The following CAPZB variants were observed in gnomAD, a reference collection of about 807,000 sequenced individuals.
The protein encoded by CAPZB is F-actin-capping protein subunit beta.
CAPZB carries 2 observed loss-of-function variants against 38.1 expected under a neutral mutation model. The ratio of observed to expected loss-of-function variants is 0.05; its 90% CI spans 0.02 to 0.17. CAPZB has a LOEUF of 0.17. Among genes scored for constraint, CAPZB ranks in the 10% least tolerant of loss-of-function variants. The pLI, the probability that CAPZB is intolerant of heterozygous loss-of-function variation, is 1.00. For synonymous variants in CAPZB, 107 were observed against 127.4 expected (o/e 0.84, Z 1.08); for missense variants, 161 against 334.2 (o/e 0.48, Z 4.04).
chr1:19,432,042 C>CAAAAAAAAA (rs10583269), intron 1 of CAPZB, among the ~76,000 whole-genome samples: 1 of 122,546 alleles, frequency 8.2e-6, no homozygotes, highest in African/African-American at 3.2e-5. Flanking sequence ...GATCCTGTCT[C>CAAAAAAAAA]AAAAAAAAAA....
In CAPZB at chr1:19,357,464, C is replaced by T. The variant is rs2094028124; in HGVS notation, c.429G>A (p.Lys143=). ...LIKKAGDGSK[K]IKGCWDSIHV... ...GGATGGAATCCCAGCAGCCTTTGAT[C>T]TTCTTTGATCCATCTCCAGCCTTCT... Residue 143 remains lysine (K), a synonymous_variant, in exon 5 of 9, where the codon AAG becomes AAA. Transcript: ENST00000264202. This position sits in a 1 kb window ranked among gnomAD's most constrained non-coding sequence, Gnocchi z 4.3. 1 of 1,614,060 alleles carries T rather than the reference C, an allele frequency of 6.2e-7. No homozygotes were observed. Among genetic ancestry groups the T allele is most frequent in the Non-Finnish European group, 8.5e-7 (1 of 1,180,022 alleles).
At chr1:19,394,190 G>A (rs1265134414) in intron 2 of CAPZB, among the ~76,000 whole-genome samples, 1 of 152,126 alleles carries the variant, frequency 6.6e-6, no homozygotes, top group African/African-American at 2.4e-5. Context: ...TATAGAGATG[G>A]GGTTTCACCA....
chr1:19,363,087 T>C (rs1205485541), intron 4 of CAPZB, among the ~76,000 whole-genome samples: 1 of 151,542 alleles, frequency 6.6e-6, no homozygotes, highest in Non-Finnish European at 1.5e-5. Flanking sequence ...ATTAACATCT[T>C]GTTTTGTTTT....
At chr1:19,351,445 C>G (rs1336563908) in intron 6 of CAPZB, among the ~76,000 whole-genome samples, 2 of 152,118 alleles carry the variant, frequency 1.3e-5, no homozygotes, top group African/African-American at 4.8e-5. Flanking sequence ...GAAGCTAGGA[C>G]CACAGATGCC....
chr1:19,398,780 G>A (rs946271394), intron 2 of CAPZB, among the ~76,000 whole-genome samples: 2 of 152,016 alleles, frequency 1.3e-5, no homozygotes, highest in Non-Finnish European at 2.9e-5. Context: ...GTTAGGGCAG[G>A]TCGCAAAGCA....
intron 1 of CAPZB, among the ~76,000 whole-genome samples, chr1:19,431,787 C>T (rs2094442618): frequency 6.6e-6 from 1 of 151,350 alleles, no homozygotes; most frequent in African/African-American, 2.4e-5. Context: ...CAAGAAAATA[C>T]TACTTCGGGC....
intron 1 of CAPZB, among the ~76,000 whole-genome samples, chr1:19,428,992 T>C (rs111932760): frequency 0.013 from 1,981 of 152,324 alleles, 10 homozygotes; most frequent in Non-Finnish European, 0.021. Flanking sequence ...GTATCAACTT[T>C]TTAAAAAAAT....
At chr1:19,376,895 T>A (rs535653282) in intron 4 of CAPZB, among the ~76,000 whole-genome samples, 9 of 152,328 alleles carry the variant, frequency 5.9e-5, no homozygotes, top group African/African-American at 1.9e-4. Flanking sequence ...ACTTACTAGC[T>A]CTGTGAACCT....
chr1:19,432,671 T>C (rs1266215334), intron 1 of CAPZB, among the ~76,000 whole-genome samples: 1 of 152,210 alleles, frequency 6.6e-6, no homozygotes, highest in South Asian at 2.1e-4. Context: ...GGCTCTTGGG[T>C]ACCCCAGTTT....
chr1:19,427,822 G>A (rs2094428576), intron 1 of CAPZB, among the ~76,000 whole-genome samples: 1 of 152,202 alleles, frequency 6.6e-6, no homozygotes. Flanking sequence ...TCCACTTGGC[G>A]GACCAAGCCT....
At chr1:19,440,589 T>A (rs923143793) in intron 1 of CAPZB, among the ~76,000 whole-genome samples, 4 of 151,994 alleles carry the variant, frequency 2.6e-5, no homozygotes, top group African/African-American at 9.7e-5. Context: ...GTGTTTGGTT[T>A]GTGCTCCTAT....
At position 19,355,835 on chromosome 1, in the gene CAPZB, T is replaced by A. The variant is rs56146691; in HGVS notation, c.588+800A>T. ...ACTGCACTGGCACAGGTTTAAGGCC[T>A]TCTCTTGGGATGGGAATGTAAAGGG... On this transcript the variant is annotated intron_variant, in intron 6 of 8. Coordinates refer to ENST00000264202, the MANE Select transcript of CAPZB (RefSeq NM_004930.5). Among the ~76,000 whole-genome samples the A allele has an allele frequency of 2.8e-3, 419 of 152,334 alleles. 1 individual carries two copies. Among genetic ancestry groups the A allele is most frequent in the African/African-American group, 9.7e-3 (405 of 41,584 alleles).
At chr1:19,343,461 C>A (rs985397698) in intron 8 of CAPZB, among the ~76,000 whole-genome samples, 1 of 152,200 alleles carries the variant, frequency 6.6e-6, no homozygotes, top group Admixed American at 6.5e-5. Flanking sequence ...TAGCACAGCC[C>A]GACTCACACG....
At chr1:19,453,652 C>T (rs1359550977) in intron 1 of CAPZB, among the ~76,000 whole-genome samples, 1 of 152,160 alleles carries the variant, frequency 6.6e-6, no homozygotes, top group African/African-American at 2.4e-5. Context: ...CCTCTCTCTC[C>T]TTCTAGGTCT....
chr1:19,480,307 T>C (rs1019526804), intron 1 of CAPZB, among the ~76,000 whole-genome samples: 1 of 151,936 alleles, frequency 6.6e-6, no homozygotes, highest in Non-Finnish European at 1.5e-5. Flanking sequence ...ACATTACAAA[T>C]TTCACCCCTA....
chr1:19,464,289 ATTT>A (rs891453430), intron 1 of CAPZB, among the ~76,000 whole-genome samples: 6 of 132,538 alleles, frequency 4.5e-5, no homozygotes, highest in African/African-American at 1.2e-4. Flanking sequence ...ATCTCTGAAG[ATTT>A]TTTTTTTTTT....
At chr1:19,397,579 G>A (rs1465164940) in intron 2 of CAPZB, among the ~76,000 whole-genome samples, 1 of 152,212 alleles carries the variant, frequency 6.6e-6, no homozygotes, top group Non-Finnish European at 1.5e-5. Context: ...TACTTGGCAA[G>A]ATTGGTTTTT....
At chr1:19,414,178 T>C (rs1242570895) in intron 2 of CAPZB, among the ~76,000 whole-genome samples, 1 of 152,112 alleles carries the variant, frequency 6.6e-6, no homozygotes, top group Non-Finnish European at 1.5e-5. Context: ...AGCCTTCTCA[T>C]CTGTCAAATC....
chr1:19,465,906 G>A (rs1476133320), intron 1 of CAPZB, among the ~76,000 whole-genome samples: 1 of 152,150 alleles, frequency 6.6e-6, no homozygotes, highest in Non-Finnish European at 1.5e-5. Flanking sequence ...ATATGTGCTA[G>A]GTATGACAGG....
Sources: gnomAD v4.1 joint callset for allele counts (sites outside exome capture counted in the v4.1 genomes callset) on GRCh38, gnomAD v4.1.1 for gene constraint, Gnocchi (gnomAD v3.1) non-coding constraint, MANE v1.5 for transcripts, NCBI Gene and HGNC (gene_info 2026-07-23, HGNC 2026-07-21) for gene names.